AVEN: variants seen among roughly 807,000 people sequenced by gnomAD.
The protein encoded by AVEN is cell death regulator Aven.
A neutral mutation model predicts 38.1 loss-of-function variants in AVEN; 41 were observed. The observed-to-expected ratio is 1.08, with a 90% confidence interval of 0.84 to 1.40. The LOEUF (loss-of-function observed/expected upper bound fraction) is 1.40. Ranked by LOEUF, AVEN falls within the 40% of genes most tolerant of loss-of-function variation. The pLI is 0.00. For missense variants in AVEN, 605 were observed against 438.8 expected (o/e 1.38, Z -3.38); for synonymous variants, 206 against 171.8 (o/e 1.20, Z -1.56).
intron 2 of AVEN, among the ~76,000 whole-genome samples, chr15:33,923,489 A>T (rs997068363): frequency 6.6e-6 from 1 of 152,238 alleles, no homozygotes; most frequent in East Asian, 1.9e-4. Context: ...AACTTTCAGT[A>T]AATAGTTAAA....
intron 4 of AVEN, among the ~76,000 whole-genome samples, chr15:33,869,110 A>T (rs1036144953): frequency 3.3e-5 from 5 of 152,316 alleles, no homozygotes; most frequent in Admixed American, 2.0e-4. Context: ...AACAGGAATA[A>T]ATATCCAGCA....
intron 2 of AVEN, among the ~76,000 whole-genome samples, chr15:33,997,700 C>G (rs1032578996): frequency 2.6e-5 from 4 of 152,222 alleles, no homozygotes; most frequent in African/African-American, 9.6e-5. Context: ...CTCATATCTT[C>G]ACTTATTTCC....
At chr15:33,883,646 T>A (rs1436668063) in intron 2 of AVEN, 1 of 152,142 alleles carries the variant, frequency 6.6e-6, no homozygotes, top group Non-Finnish European at 1.5e-5. Context: ...TCAAAATAAT[T>A]AATACCTATT....
At chr15:33,871,760 C>T (rs1481264855) in intron 3 of AVEN, among the ~76,000 whole-genome samples, 3 of 128,440 alleles carry the variant, frequency 2.3e-5, no homozygotes, top group Non-Finnish European at 5.0e-5. Flanking sequence ...AGGTTTCAAA[C>T]GAGCTAGTCT....
intron 2 of AVEN, among the ~76,000 whole-genome samples, chr15:33,965,622 T>G (rs1895355327): frequency 1.3e-5 from 2 of 152,108 alleles, no homozygotes; most frequent in Admixed American, 1.3e-4. Flanking sequence ...TTAGCCAACT[T>G]TACAGTGGGC....
intron 2 of AVEN, among the ~76,000 whole-genome samples, chr15:33,983,164 GTGTGTGTA>G (rs1567447519): frequency 4.1e-4 from 46 of 111,594 alleles, no homozygotes; most frequent in South Asian, 6.4e-4. Flanking sequence ...GTGTGTATGT[GTGTGTGTA>G]TATATACACA....
intron 2 of AVEN, among the ~76,000 whole-genome samples, chr15:33,890,619 CAAATA>C (rs1362053414): frequency 6.6e-6 from 1 of 151,754 alleles, no homozygotes; most frequent in African/African-American, 2.4e-5. Flanking sequence ...TCAAATAACT[CAAATA>C]AGAACAAGTG....
At chr15:33,876,745 A>G (rs980703966) in intron 2 of AVEN, among the ~76,000 whole-genome samples, 1 of 152,190 alleles carries the variant, frequency 6.6e-6, no homozygotes, top group Non-Finnish European at 1.5e-5. Flanking sequence ...TGTCAAACAT[A>G]TTTTGATAGG....
At chr15:33,888,530 T>C (rs150307036) in intron 2 of AVEN, among the ~76,000 whole-genome samples, 13 of 152,276 alleles carry the variant, frequency 8.5e-5, no homozygotes, top group African/African-American at 2.9e-4. Flanking sequence ...GCATAAAATG[T>C]GAACAAGGTA....
chr15:33,853,792 G>C (rs1597040825), downstream of AVEN: 1 of 1,405,932 alleles, frequency 7.1e-7, no homozygotes, highest in Non-Finnish European at 9.5e-7. Flanking sequence ...CTGTGGTCTG[G>C]CTTAGGTGTT....
At chr15:33,965,411 C>T (rs1895346996) in intron 2 of AVEN, among the ~76,000 whole-genome samples, 2 of 152,112 alleles carry the variant, frequency 1.3e-5, no homozygotes, top group African/African-American at 4.8e-5. Context: ...TCATTAACCA[C>T]AAATCCTACT....
At chr15:34,068,500 T>C (rs1364783705) in intron 2 of AVEN, among the ~76,000 whole-genome samples, 1 of 152,140 alleles carries the variant, frequency 6.6e-6, no homozygotes, top group East Asian at 1.9e-4. Context: ...AACCACCGCG[T>C]CTGACCTTAG....
At chr15:33,978,145 G>A (rs1018227682) in intron 2 of AVEN, among the ~76,000 whole-genome samples, 1 of 152,060 alleles carries the variant, frequency 6.6e-6, no homozygotes, top group Non-Finnish European at 1.5e-5. Context: ...AAACCTTAGC[G>A]ATCCAAGTAC....
In AVEN at chr15:34,003,165, A is replaced by ATCATTCAT. The variant is rs764735534; in HGVS notation, c.311_312insATGAATGA (p.Asp104GlufsTer2). On this transcript the variant is annotated stop_gained and frameshift_variant, in exon 2 of 6. Coordinates refer to ENST00000306730, the MANE Select transcript of AVEN (RefSeq NM_020371.3). LOFTEE classifies it high-confidence loss of function. The stretch of plus-strand genomic sequence containing the variant: ...TTCTTTTAGAATAATTTCCCTGTTC[A>ATCATTCAT]TCATTCTCTTCTCCATAGGTCTCTG... 3 of 1,613,696 alleles carry ATCATTCAT rather than the reference A, an allele frequency of 1.9e-6. No individual in the cohort carries two copies. The Admixed American group carries it at 5.0e-5, about 27-fold the overall frequency.
chr15:33,935,872 C>T (rs1053575655), intron 2 of AVEN, among the ~76,000 whole-genome samples: 2 of 152,082 alleles, frequency 1.3e-5, no homozygotes, highest in African/African-American at 4.8e-5. Context: ...ACCGAGAGGA[C>T]TCCTTTATTA....
At chr15:33,863,808 AGAATTTGGGCTACCATTT>A (rs1162649869), downstream of AVEN, among the ~76,000 whole-genome samples, 10 of 152,224 alleles carry the variant, frequency 6.6e-5, no homozygotes, top group African/African-American at 2.2e-4. Context: ...TTCTATGGTA[AGAATTTGGGCTACCATTT>A]TATTGTTTTA....
chr15:33,909,060 G>C (rs1356942718), intron 2 of AVEN, among the ~76,000 whole-genome samples: 2 of 152,156 alleles, frequency 1.3e-5, no homozygotes, highest in African/African-American at 4.8e-5. Context: ...GCCTGCCTGG[G>C]CTGTCCCTCA....
intron 2 of AVEN, among the ~76,000 whole-genome samples, chr15:33,921,417 G>A (rs1403358405): frequency 1.8e-5 from 2 of 111,488 alleles, no homozygotes; most frequent in East Asian, 6.3e-4. Flanking sequence ...ATCTCGAATT[G>A]AGAGAACAGG....
At chr15:33,905,809 G>T (rs1258831230) in intron 2 of AVEN, among the ~76,000 whole-genome samples, 1 of 132,768 alleles carries the variant, frequency 7.5e-6, no homozygotes, top group Admixed American at 8.3e-5. Flanking sequence ...GACAAATTGA[G>T]ACCTTGTTTC....
Sources: gnomAD v4.1 joint callset for allele counts (sites outside exome capture counted in the v4.1 genomes callset) on GRCh38, gnomAD v4.1.1 for gene constraint, MANE v1.5 for transcripts, NCBI Gene and HGNC (gene_info 2026-07-23, HGNC 2026-07-21) for gene names.